The following SDC3 variants were observed in gnomAD, a reference collection of about 807,000 sequenced individuals.
SDC3 encodes syndecan 3, also known as syndecan-3.
A neutral mutation model predicts 24.4 loss-of-function variants in SDC3; 13 were observed. The observed-to-expected ratio is 0.53, with a 90% confidence interval of 0.35 to 0.85. The LOEUF (loss-of-function observed/expected upper bound fraction) is 0.85. Among genes scored for constraint, SDC3 ranks in the 40% least tolerant of loss-of-function variants. The pLI is 0.01. For missense variants in SDC3, 571 were observed against 584.5 expected (o/e 0.98, Z 0.24); for synonymous variants, 295 against 260.9 (o/e 1.13, Z -1.26).
chr1:30,896,238 G>A (rs893476627), intron 1 of SDC3, among the ~76,000 whole-genome samples: 1 of 152,204 alleles, frequency 6.6e-6, no homozygotes, highest in African/African-American at 2.4e-5. Flanking sequence ...TTGGGGAAAT[G>A]TAACAAAGTA....
At position 30,878,620 on chromosome 1, in the gene SDC3, T is replaced by C; in HGVS notation, c.256+3A>G. The C allele has an allele frequency of 6.2e-7, 1 of 1,612,482 alleles. No individual in the cohort carries two copies. The highest frequency in any genetic ancestry group is 8.5e-7 in the Non-Finnish European group (1 of 1,178,484). The stretch of plus-strand genomic sequence containing the variant: ...AGGCAGAGGTAGGGAGGGGGGTACT[T>C]ACAGCCCGAGCCCGACCCCGAGTAG... On this transcript the variant is annotated splice_donor_region_variant and intron_variant, in intron 2 of 4. Coordinates refer to ENST00000339394, the MANE Select transcript of SDC3 (RefSeq NM_014654.4).
intron 1 of SDC3, among the ~76,000 whole-genome samples, chr1:30,907,354 G>T (rs1172032786): frequency 2.0e-5 from 3 of 152,176 alleles, no homozygotes; most frequent in Non-Finnish European, 1.5e-5. Flanking sequence ...GACCAAGCAT[G>T]GCTGCTACGG....
chr1:30,897,082 G>A lies in SDC3; in HGVS notation c.138+11367C>T, dbSNP rs12568346. On this transcript the variant is annotated intron_variant, in intron 1 of 4. Transcript: ENST00000339394. ...TTGGGCATATATGGGCAGCTGGGGT[G>A]GTCAAGGAAGGCTTCCTGGAAGAAG... is the stretch of plus-strand genomic sequence containing the variant. Among the ~76,000 whole-genome samples, 56 of 152,296 alleles carry A rather than the reference G, an allele frequency of 3.7e-4. No individual in the cohort carries two copies. The East Asian group carries it at 0.011, about 29-fold the overall frequency.
At chr1:30,878,491 A>C in intron 2 of SDC3, 132 bp downstream of exon 2, 1 of 686,280 alleles carries the variant, frequency 1.5e-6, no homozygotes, top group Non-Finnish European at 2.6e-6. Flanking sequence ...CCAGAGCAAG[A>C]AGAACTTGCC....
Position 30,873,081 on chromosome 1 carries a change from C to G in SDC3, c.*130G>C. ...GTGTGAGGCTGGCAGCCTGGGCAGA[C>G]CTTGGGAGAGAGGGCAGAGAAGAAC... is the stretch of plus-strand genomic sequence containing the variant. On this transcript the variant is annotated 3_prime_UTR_variant, in exon 5 of 5. Coordinates refer to ENST00000339394, the MANE Select transcript of SDC3 (RefSeq NM_014654.4). 1 of 722,244 alleles carries G rather than the reference C, an allele frequency of 1.4e-6. No homozygotes were observed. The allele number at this position is 722,244 out of a possible 1,614,324, so 44.7% of individuals were successfully genotyped here.
At chr1:30,892,482 T>C (rs1639922190) in intron 1 of SDC3, among the ~76,000 whole-genome samples, 1 of 152,054 alleles carries the variant, frequency 6.6e-6, no homozygotes, top group Non-Finnish European at 1.5e-5. Flanking sequence ...TAAAACAGTC[T>C]ACCAAACAGA....
At position 30,895,699 on chromosome 1, in the gene SDC3, C is replaced by A. The variant is rs1307512145; in HGVS notation, c.138+12750G>T. On this transcript the variant is annotated intron_variant, in intron 1 of 4. Coordinates refer to ENST00000339394, the MANE Select transcript of SDC3 (RefSeq NM_014654.4). ...ATCCCTCTAGCCTTGGTCCTAACTACCCCCTCAGCCCTCAAGACCCCTGTC... is the reference window on the plus strand; with the variant it reads ...ATCCCTCTAGCCTTGGTCCTAACTAACCCCTCAGCCCTCAAGACCCCTGTC... Among the ~76,000 whole-genome samples the A allele has an allele frequency of 3.3e-5, 5 of 152,284 alleles. No homozygotes were observed. In the East Asian group the frequency reaches 9.6e-4, roughly 29 times the overall value.
chr1:30,886,436 A>C lies in SDC3; in HGVS notation c.139-7696T>G, dbSNP rs1022102334. Reference sequence around the variant, plus strand: ...CCTTTCTTGGGGACTCAGTACCTCCACTGTGTTGTCATTTACTAAGGGAGA... The same window carrying C: ...CCTTTCTTGGGGACTCAGTACCTCCCCTGTGTTGTCATTTACTAAGGGAGA... On this transcript the variant is annotated intron_variant, in intron 1 of 4. Coordinates refer to ENST00000339394, the MANE Select transcript of SDC3 (RefSeq NM_014654.4). 2.6e-5 allele frequency among the ~76,000 whole-genome samples: 4 copies of C among 151,988 alleles called. No homozygotes were observed. In the East Asian group the frequency reaches 7.7e-4, roughly 29 times the overall value.
chr1:30,907,336 G>A (rs76931768), intron 1 of SDC3, among the ~76,000 whole-genome samples: 1 of 152,128 alleles, frequency 6.6e-6, no homozygotes, highest in African/African-American at 2.4e-5. Flanking sequence ...CATCCCTGAC[G>A]GAGCTGGGAC....
chr1:30,880,320 G>T (rs1176023851), intron 1 of SDC3, among the ~76,000 whole-genome samples: 1 of 149,658 alleles, frequency 6.7e-6, no homozygotes, highest in Non-Finnish European at 1.5e-5. Context: ...AGACAGAGAC[G>T]GTGACAGAGA....
chr1:30,894,208 A>T (rs529880793), intron 1 of SDC3, among the ~76,000 whole-genome samples: 67 of 143,876 alleles, frequency 4.7e-4, no homozygotes, highest in South Asian at 3.6e-3. Context: ...TGTGCATGAG[A>T]GTGTGTGTGT....
intron 1 of SDC3, chr1:30,879,974 C>CAA (rs1472415539): frequency 6.6e-6 from 1 of 152,518 alleles, no homozygotes; most frequent in Non-Finnish European, 1.5e-5. Context: ...GAAACATGCT[C>CAA]ACCTAAAAGC....
intron 1 of SDC3, among the ~76,000 whole-genome samples, chr1:30,893,151 T>G (rs1334623687): frequency 6.6e-6 from 1 of 151,844 alleles, no homozygotes; most frequent in African/African-American, 2.4e-5. Context: ...GTGCTGAGGG[T>G]GGGGAAGGTG....
Position 30,900,055 on chromosome 1 carries a change from C to T in SDC3, c.138+8394G>A, listed in dbSNP as rs1638382726. 1.3e-5 allele frequency among the ~76,000 whole-genome samples: 2 copies of T among 152,228 alleles called. 1 individual carries two copies. Among genetic ancestry groups the T allele is most frequent in the Admixed American group, 1.3e-4 (2 of 15,286 alleles). On this transcript the variant is annotated intron_variant, in intron 1 of 4. Coordinates refer to ENST00000339394, the MANE Select transcript of SDC3 (RefSeq NM_014654.4). ...TTTTCTACATAGACACAGTAACAGT[C>T]TGATCGCCCTTTCTTTTCCCCACGC...
chr1:30,887,332 G>A (rs902982846), intron 1 of SDC3, among the ~76,000 whole-genome samples: 4 of 152,014 alleles, frequency 2.6e-5, no homozygotes, highest in African/African-American at 9.7e-5. Flanking sequence ...AGGTGTTCCC[G>A]CCCTGGCTTC....
intron 1 of SDC3, among the ~76,000 whole-genome samples, chr1:30,898,909 C>T (rs532832511): frequency 5.9e-5 from 9 of 152,196 alleles, no homozygotes; most frequent in Non-Finnish European, 1.3e-4. Context: ...GACACAACCA[C>T]CTTGGGGAAT....
chr1:30,908,824 G>C (rs1272126918), upstream of SDC3: 1 of 81,898 alleles, frequency 1.2e-5, no homozygotes, highest in Non-Finnish European at 2.4e-5. Flanking sequence ...AGCGCGGGCG[G>C]AACGGAGGAG....
At chr1:30,874,617 C>T (rs1157991398) in intron 3 of SDC3, 29 bp from the exon 4 acceptor site, 4 of 1,604,522 alleles carry the variant, frequency 2.5e-6, no homozygotes, top group Non-Finnish European at 3.4e-6. Flanking sequence ...GAGCCCAGGA[C>T]AACCACACAT....
intron 4 of SDC3, among the ~76,000 whole-genome samples, chr1:30,873,724 C>T (rs1019819406): frequency 5.3e-5 from 8 of 152,036 alleles, no homozygotes; most frequent in Admixed American, 3.9e-4. Flanking sequence ...TATGACATAC[C>T]CCAACTACAG....
Sources: gnomAD v4.1 joint callset for allele counts (sites outside exome capture counted in the v4.1 genomes callset) on GRCh38, gnomAD v4.1.1 for gene constraint, MANE v1.5 for transcripts, NCBI Gene and HGNC (gene_info 2026-07-23, HGNC 2026-07-21) for gene names.